Variants in STOX2 observed in about 807,000 individuals in gnomAD.
The protein encoded by STOX2 is storkhead box 2, also known as storkhead-box protein 2.
In STOX2, 28 loss-of-function variants were observed where a neutral mutation model predicts 60.9. The ratio of observed to expected loss-of-function variants is 0.46; its 90% CI spans 0.34 to 0.63. The LOEUF is 0.63. Ranked by LOEUF, STOX2 falls within the 30% of genes least tolerant of loss-of-function variation. The pLI, the probability that STOX2 is intolerant of heterozygous loss-of-function variation, is 0.01. For missense variants in STOX2, 1,024 were observed against 1,187.7 expected, an observed-to-expected ratio of 0.86 and a Z score of 2.03; for synonymous variants, 472 against 463.9, an observed-to-expected ratio of 1.02 and a Z score of -0.22.
At position 184,010,400 on chromosome 4, in the gene STOX2, A is replaced by G. The variant is rs1380260850; in HGVS notation, c.1562A>G (p.Gln521Arg). The G allele has an allele frequency of 6.2e-6, 10 of 1,613,566 alleles. No individual in the cohort carries two copies. Among genetic ancestry groups the G allele is most frequent in the African/African-American group, 4.0e-5 (3 of 74,932 alleles). Residue 521 changes from glutamine to arginine, a missense_variant, in exon 3 of 4, where the codon CAG (glutamine) becomes CGG (arginine). Physicochemically the swap from Gln to Arg is conservative, Grantham distance 43. Transcript: ENST00000308497. The surrounding 1 kb of genome is among the most constrained non-coding windows in gnomAD (Gnocchi z 4.5). ...DLAEGCSQDDQTPSQSYIDDS... is the reference protein window; with the variant it reads ...DLAEGCSQDDRTPSQSYIDDS... The stretch of plus-strand genomic sequence containing the variant: ...GCTGAAGGCTGCAGCCAAGACGACC[A>G]GACCCCCAGCCAATCCTACATTGAC...
At chr4:183,962,772 GT>G (rs1743450300) in intron 1 of STOX2, among the ~76,000 whole-genome samples, 1 of 152,218 alleles carries the variant, frequency 6.6e-6, no homozygotes, top group African/African-American at 2.4e-5. Flanking sequence ...GGTCTGTGAA[GT>G]TTTAAAAAAT....
intron 1 of STOX2, among the ~76,000 whole-genome samples, chr4:183,932,809 C>G (rs1031831067): frequency 3.9e-5 from 6 of 152,168 alleles, no homozygotes; most frequent in Non-Finnish European, 5.9e-5. Context: ...TCCCAACTCC[C>G]TGTCAGAACT....
chr4:183,934,309 A>G (rs1288075919), intron 1 of STOX2, among the ~76,000 whole-genome samples: 2 of 152,148 alleles, frequency 1.3e-5, no homozygotes, highest in African/African-American at 4.8e-5. Context: ...TCTCAAAAAA[A>G]TAAAAAATAA....
chr4:183,841,472 C>T (rs1306645218), intron 1 of STOX2, among the ~76,000 whole-genome samples: 2 of 152,060 alleles, frequency 1.3e-5, no homozygotes, highest in African/African-American at 4.8e-5. Flanking sequence ...CTCGGCCTCC[C>T]AAAGTTCTGG....
At chr4:183,897,072 C>T (rs112340941) in intron 1 of STOX2, among the ~76,000 whole-genome samples, 26 of 152,252 alleles carry the variant, frequency 1.7e-4, no homozygotes, top group African/African-American at 6.0e-4. Context: ...TTACCCACTG[C>T]GGTTTCCCTG....
chr4:184,010,807 T>C lies in STOX2; in HGVS notation c.1969T>C (p.Ser657Pro). 6.3e-7 allele frequency: 1 copy of C among 1,582,640 alleles called. No individual in the cohort carries two copies. Among genetic ancestry groups the C allele is most frequent in the Non-Finnish European group, 8.6e-7 (1 of 1,165,198 alleles). Residue 657 changes from serine (S) to proline (P), a missense_variant, in exon 3 of 4, where the codon TCA (serine) becomes CCA (proline). Transcript: ENST00000308497. The surrounding 1 kb of genome is among the most constrained non-coding windows in gnomAD (Gnocchi z 4.5). ...SREPVGHKEE[S>P]PKGPGGGPAA... Reference sequence around the variant, plus strand: ...GGAGCCTGTGGGGCACAAGGAGGAGTCACCAAAAGGGCCGGGTGGGGGCCC... The same window carrying C: ...GGAGCCTGTGGGGCACAAGGAGGAGCCACCAAAAGGGCCGGGTGGGGGCCC...
intron 1 of STOX2, among the ~76,000 whole-genome samples, chr4:183,898,831 G>A (rs117196820): frequency 0.01 from 1,548 of 152,310 alleles, 62 homozygotes; most frequent in Admixed American, 0.07. Flanking sequence ...TGGCGAGATC[G>A]TTAGCTACAT....
chr4:183,881,717 CTA>C (rs1740964337), intron 1 of STOX2, among the ~76,000 whole-genome samples: 1 of 152,070 alleles, frequency 6.6e-6, no homozygotes, highest in Admixed American at 6.5e-5. Context: ...AGTAATTTTT[CTA>C]TGTTTAATTG....
chr4:183,820,336 T>C (rs1209259062), intron 1 of STOX2, among the ~76,000 whole-genome samples: 4 of 152,200 alleles, frequency 2.6e-5, no homozygotes, highest in Admixed American at 1.3e-4. Context: ...TAGGGTCTTA[T>C]CTTGTGAGGA....
In STOX2 at chr4:183,879,566, A is replaced by G. The variant is rs150393487; in HGVS notation, c.364+81511A>G. Among the ~76,000 whole-genome samples, 441 of 152,310 alleles carry G rather than the reference A, an allele frequency of 2.9e-3. 2 individuals carry two copies. Among genetic ancestry groups the G allele is most frequent in the African/African-American group, 9.4e-3 (391 of 41,562 alleles). ...CGTAAGTTAAGTGAGCCGCATCTCC[A>G]TGATCTCTTCTGTCCCTGGCAATGT... On this transcript the variant is annotated intron_variant, in intron 1 of 2. Coordinates refer to the STOX2 transcript ENST00000513034.
chr4:183,802,087 T>C (rs1056926701), intron 1 of STOX2, among the ~76,000 whole-genome samples: 1 of 152,200 alleles, frequency 6.6e-6, no homozygotes, highest in Non-Finnish European at 1.5e-5. Flanking sequence ...AGCCTTTGTG[T>C]GGAGCCATGT....
intron 1 of STOX2, among the ~76,000 whole-genome samples, chr4:183,918,086 C>T (rs908637816): frequency 1.3e-5 from 2 of 152,334 alleles, no homozygotes; most frequent in African/African-American, 4.8e-5. Context: ...AAGTGTTTTA[C>T]ACCTGAGGAT....
At chr4:183,844,668 A>G (rs917070184) in intron 1 of STOX2, among the ~76,000 whole-genome samples, 31 of 152,192 alleles carry the variant, frequency 2.0e-4, no homozygotes, top group African/African-American at 6.3e-4. Context: ...AAGTTCTTTC[A>G]TTATTTACCT....
chr4:183,991,865 A>G (rs912532886), intron 1 of STOX2, among the ~76,000 whole-genome samples: 1 of 152,146 alleles, frequency 6.6e-6, no homozygotes, highest in African/African-American at 2.4e-5. Flanking sequence ...TACTTCACAA[A>G]AGAAAAAATT....
intron 1 of STOX2, among the ~76,000 whole-genome samples, chr4:183,958,828 G>T (rs1396326375): frequency 6.6e-6 from 1 of 152,112 alleles, no homozygotes; most frequent in South Asian, 2.1e-4. Flanking sequence ...CGGCTTCCTT[G>T]AAGTTTCTCT....
At chr4:183,889,041 AT>A (rs1741147122) in intron 1 of STOX2, among the ~76,000 whole-genome samples, 1 of 151,016 alleles carries the variant, frequency 6.6e-6, no homozygotes, top group South Asian at 2.1e-4. Context: ...TGCTTGGTTT[AT>A]TTTTTTTCCT....
chr4:183,825,384 C>G lies in STOX2; in HGVS notation c.364+27329C>G, dbSNP rs1739400963. 6.7e-6 allele frequency among the ~76,000 whole-genome samples: 1 copy of G among 149,468 alleles called. No homozygotes were observed. The highest frequency in any genetic ancestry group is 2.1e-4 in the South Asian group (1 of 4,828). ...CCGGGAGCGGTCAGCCTTCACACAG[C>G]TGGGCCATCCCTCGTGTGGCGCGTG... is the stretch of plus-strand genomic sequence containing the variant. On this transcript the variant is annotated intron_variant, in intron 1 of 2. Coordinates refer to the STOX2 transcript ENST00000513034. This position sits in a 1 kb window ranked among gnomAD's most constrained non-coding sequence, Gnocchi z 4.1.
intron 1 of STOX2, among the ~76,000 whole-genome samples, chr4:183,805,554 TC>T (rs1211774914): frequency 2.6e-5 from 4 of 152,178 alleles, no homozygotes; most frequent in Non-Finnish European, 5.9e-5. Context: ...ACGCCTATAA[TC>T]CCAGCACTTT....
chr4:183,920,547 A>G lies in STOX2; in HGVS notation c.166+13591A>G, dbSNP rs565765050. Among the ~76,000 whole-genome samples the G allele has an allele frequency of 2.6e-5, 4 of 152,346 alleles. No individual in the cohort carries two copies. The South Asian group carries it at 8.3e-4, about 32-fold the overall frequency. On this transcript the variant is annotated intron_variant, in intron 1 of 3. Transcript: ENST00000308497. ...TTAGGGCTCCTTGCATATTCTAACA[A>G]GTCTAACCCTAAATATTTGGGTATG... is the stretch of plus-strand genomic sequence containing the variant.
Sources: allele counts gnomAD v4.1 joint callset (sites outside exome capture counted in the v4.1 genomes callset), GRCh38; gene constraint gnomAD v4.1.1; non-coding constraint Gnocchi (gnomAD v3.1); transcripts MANE v1.5; gene names NCBI Gene and HGNC (gene_info 2026-07-23, HGNC 2026-07-21).